ZNF736: variants seen among roughly 807,000 people sequenced by gnomAD.
The protein encoded by ZNF736 is KRAB-containing zinc-finger repressor protein.
In ZNF736, 6 loss-of-function variants were observed where a neutral mutation model predicts 11.7. The observed-to-expected ratio is 0.51, with a 90% CI of 0.28 to 1.01. ZNF736 has a LOEUF of 1.01. Among genes scored for constraint, ZNF736 ranks in the 50% least tolerant of loss-of-function variants. The pLI, the probability that ZNF736 is intolerant of heterozygous loss-of-function variation, is 0.09. For synonymous variants in ZNF736, 139 were observed against 164.7 expected (o/e 0.84, Z 1.19); for missense variants, 444 against 496.0 (o/e 0.90, Z 1.00).
intron 3 of ZNF736, among the ~76,000 whole-genome samples, chr7:64,337,756 G>GTTTTTTTTT (rs569147961): frequency 2.8e-4 from 31 of 112,464 alleles, no homozygotes; most frequent in South Asian, 4.8e-4. Flanking sequence ...GTTTTTTTTG[G>GTTTTTTTTT]TTTTTTTTTT....
intron 3 of ZNF736, among the ~76,000 whole-genome samples, chr7:64,339,215 T>A (rs595104): frequency 0.26 from 40,132 of 152,004 alleles, 6,304 homozygotes; most frequent in Middle Eastern, 0.39. Context: ...TTCTTATATA[T>A]TTTTGATACT....
chr7:64,350,245 G>C lies in ZNF736; in HGVS notation c.*1098G>C, dbSNP rs1222015225. 1.3e-5 allele frequency: 2 copies of C among 152,124 alleles called. No homozygotes were observed. Among genetic ancestry groups the C allele is most frequent in the East Asian group, 1.9e-4 (1 of 5,192 alleles). The allele number at this position is 152,124 out of a possible 1,614,324, so 9.4% of individuals were successfully genotyped here. Reference sequence around the variant, plus strand: ...TAATCCCATATTTCTTAGAGGTTTTGTTCATTCCTCTTTATTCTTTTTTCA... The same window carrying C: ...TAATCCCATATTTCTTAGAGGTTTTCTTCATTCCTCTTTATTCTTTTTTCA... On this transcript the variant is annotated 3_prime_UTR_variant, in exon 4 of 4. Transcript: ENST00000423484.
chr7:64,345,732 T>TAAAAA (rs60388880), intron 3 of ZNF736, among the ~76,000 whole-genome samples: 20,853 of 82,364 alleles, frequency 0.25, 3,192 homozygotes, highest in East Asian at 0.31. Flanking sequence ...TACTCCATCT[T>TAAAAA]AAAAAAAAAA....
Position 64,340,176 on chromosome 7 carries a change from A to G in ZNF736, c.226+3194A>G, listed in dbSNP as rs148583129. ...TGTTTCTTACTGAGTATGTGGCAAG[A>G]TTTCCCCAAGTAACTCTTTGAGTAC... is the stretch of plus-strand genomic sequence containing the variant. On this transcript the variant is annotated intron_variant, in intron 3 of 3. Transcript: ENST00000423484. Among the ~76,000 whole-genome samples the G allele has an allele frequency of 9.6e-4, 146 of 152,290 alleles. No homozygotes were observed. The East Asian group carries it at 0.022, about 23-fold the overall frequency.
chr7:64,342,059 T>A (rs1428988423), intron 3 of ZNF736, among the ~76,000 whole-genome samples: 1 of 152,202 alleles, frequency 6.6e-6, no homozygotes, highest in Non-Finnish European at 1.5e-5. Context: ...CTTCTATCCA[T>A]TTAATCTGCT....
At chr7:64,319,331 G>GTATATATATA (rs1303895518) in intron 1 of ZNF736, among the ~76,000 whole-genome samples, 22 of 75,510 alleles carry the variant, frequency 2.9e-4, no homozygotes, top group Non-Finnish European at 4.0e-4. Context: ...GTGTGTGTAT[G>GTATATATATA]TGTATATATA....
chr7:64,334,328 G>A lies in ZNF736; in HGVS notation c.4-1931G>A, dbSNP rs534531548. Among the ~76,000 whole-genome samples, 18 of 152,272 alleles carry A rather than the reference G, an allele frequency of 1.2e-4. No homozygotes were observed. The East Asian group carries it at 3.3e-3, about 28-fold the overall frequency. ...AATTAAACTAAAGAGCTTCTGCATA[G>A]CAAAAGAAACTGTCATCAGTGAACA... On this transcript the variant is annotated intron_variant, in intron 1 of 3. Coordinates refer to ENST00000423484, the MANE Select transcript of ZNF736 (RefSeq NM_001170905.3).
At position 64,354,904 on chromosome 7, in the gene ZNF736, A is replaced by G. The variant is rs372777502; in HGVS notation, c.*5757A>G. 6.6e-6 allele frequency: 1 copy of G among 152,232 alleles called. No homozygotes were observed. Among genetic ancestry groups the G allele is most frequent in the Non-Finnish European group, 1.5e-5 (1 of 68,046 alleles). The allele number at this position is 152,232 out of a possible 1,614,324, so 9.4% of individuals were successfully genotyped here. A position where few individuals can be genotyped will look rare whatever the true frequency, so the allele number is the denominator to read the frequency against. ...GTCATGAGGTCTTTTTGGCATATACATGAAGTAAACAAAGACAATACTAGC... is the reference window on the plus strand; with the variant it reads ...GTCATGAGGTCTTTTTGGCATATACGTGAAGTAAACAAAGACAATACTAGC... On this transcript the variant is annotated 3_prime_UTR_variant, in exon 4 of 4. Coordinates refer to ENST00000423484, the MANE Select transcript of ZNF736 (RefSeq NM_001170905.3).
chr7:64,315,743 CT>C (rs1328463036), intron 1 of ZNF736, among the ~76,000 whole-genome samples: 1 of 152,170 alleles, frequency 6.6e-6, no homozygotes, highest in Non-Finnish European at 1.5e-5. Flanking sequence ...TTCTCCCAGC[CT>C]AACTGTTCTA....
At chr7:64,333,943 G>A (rs534633423) in intron 1 of ZNF736, among the ~76,000 whole-genome samples, 1 of 152,030 alleles carries the variant, frequency 6.6e-6, no homozygotes, top group Non-Finnish European at 1.5e-5. Flanking sequence ...TACCAAAACC[G>A]GTATATAGAC....
intron 1 of ZNF736, among the ~76,000 whole-genome samples, chr7:64,333,738 C>T (rs190160282): frequency 1.4e-4 from 21 of 152,052 alleles, no homozygotes; most frequent in African/African-American, 4.8e-4. Flanking sequence ...TTTATAGATT[C>T]GATGCTATTC....
In ZNF736 at chr7:64,348,950, C is replaced by T. The variant is rs374153714; in HGVS notation, c.1087C>T (p.His363Tyr). ...SSTLFNHKRI[H>Y]MEERPYKCEE... ...AACCCTTTTTAACCACAAGAGAATT[C>T]ATATGGAAGAGAGACCTTACAAATG... The change falls in exon 4 of 4, where the codon CAT becomes TAT. Residue 363 changes from histidine to tyrosine, a missense_variant. His to Tyr is a moderately conservative substitution (Grantham distance 83, BLOSUM62 2). Transcript: ENST00000423484. 58 of 1,594,398 alleles carry T rather than the reference C, an allele frequency of 3.6e-5. No individual in the cohort carries two copies. Among genetic ancestry groups the T allele is most frequent in the East Asian group, 4.6e-5 (2 of 43,706 alleles).
intron 1 of ZNF736, among the ~76,000 whole-genome samples, chr7:64,325,929 A>G (rs1402970407): frequency 6.6e-6 from 1 of 152,152 alleles, no homozygotes; most frequent in Admixed American, 6.5e-5. Flanking sequence ...TTTTCATTGA[A>G]TATACCCAAT....
At chr7:64,324,743 T>C (rs1330758619) in intron 1 of ZNF736, among the ~76,000 whole-genome samples, 1 of 152,180 alleles carries the variant, frequency 6.6e-6, no homozygotes, top group Non-Finnish European at 1.5e-5. Context: ...GACACAGAAA[T>C]AAGCCAGAGC....
chr7:64,343,434 G>A (rs1789366435), intron 3 of ZNF736, among the ~76,000 whole-genome samples: 1 of 152,178 alleles, frequency 6.6e-6, no homozygotes, highest in Non-Finnish European at 1.5e-5. Context: ...AAAGAGACAA[G>A]GCCTGAAAAG....
At chr7:64,319,785 C>T (rs1369855337) in intron 1 of ZNF736, among the ~76,000 whole-genome samples, 3 of 145,804 alleles carry the variant, frequency 2.1e-5, no homozygotes, top group South Asian at 2.1e-4. Flanking sequence ...TGAGCCACTA[C>T]GCTCAGACAA....
chr7:64,345,719 C>G (rs58458491), intron 3 of ZNF736, among the ~76,000 whole-genome samples: 6,459 of 106,204 alleles, frequency 0.061, 543 homozygotes, highest in African/African-American at 0.21. Context: ...GGTGACAGAG[C>G]AATACTCCAT....
chr7:64,334,878 A>G (rs1341948012), intron 1 of ZNF736, among the ~76,000 whole-genome samples: 13 of 152,248 alleles, frequency 8.5e-5, no homozygotes, highest in Admixed American at 8.5e-4. Context: ...AAAGACTTGC[A>G]GCCAACCCAA....
At chr7:64,321,691 G>A (rs73700538) in intron 1 of ZNF736, among the ~76,000 whole-genome samples, 2 of 152,284 alleles carry the variant, frequency 1.3e-5, no homozygotes, top group African/African-American at 4.8e-5. Context: ...CAATGTACTG[G>A]GAGCTGGAAG....
Sources: allele counts gnomAD v4.1 joint callset (sites outside exome capture counted in the v4.1 genomes callset), GRCh38; gene constraint gnomAD v4.1.1; transcripts MANE v1.5; gene names NCBI Gene and HGNC (gene_info 2026-07-23, HGNC 2026-07-21).